The following MYO19 variants were observed in gnomAD, a reference collection of about 807,000 sequenced individuals.
The protein encoded by MYO19 is unconventional myosin-XIX.
A neutral mutation model predicts 129.2 loss-of-function variants in MYO19; 132 were observed. The observed-to-expected ratio is 1.02, with a 90% confidence interval of 0.89 to 1.18. MYO19 has a LOEUF of 1.18. MYO19 is among the 50% of genes most tolerant of loss of function. The pLI is 0.00. For missense variants in MYO19, 1,210 were observed against 1,216.7 expected (o/e 0.99, Z 0.08); for synonymous variants, 531 against 477.2 (o/e 1.11, Z -1.47).
intron 25 of MYO19, among the ~76,000 whole-genome samples, chr17:36,497,077 C>T (rs2071044401): frequency 6.6e-6 from 1 of 152,036 alleles, no homozygotes; most frequent in South Asian, 2.1e-4. Context: ...CACCTGTAAT[C>T]CCAGCACTTT....
intron 11 of MYO19, chr17:36,512,711 T>A: frequency 7.8e-7 from 1 of 1,289,174 alleles, no homozygotes; most frequent in African/African-American, 1.5e-5. Context: ...TTCCACTGCA[T>A]TGCTACCTCC....
At chr17:36,506,874 G>T (rs990191026) in intron 17 of MYO19, 89 bp downstream of exon 17, 9 of 1,393,202 alleles carry the variant, frequency 6.5e-6, no homozygotes, top group Non-Finnish European at 8.6e-6. Context: ...GGAGAGAAAG[G>T]ACTCACGATG....
chr17:36,506,874 G>C (rs990191026), intron 17 of MYO19, 89 bp downstream of exon 17: 6 of 1,393,204 alleles, frequency 4.3e-6, no homozygotes, highest in Middle Eastern at 1.8e-4. Flanking sequence ...GGAGAGAAAG[G>C]ACTCACGATG....
intron 3 of MYO19, among the ~76,000 whole-genome samples, chr17:36,530,289 A>G (rs1475261776): frequency 6.6e-6 from 1 of 152,178 alleles, no homozygotes; most frequent in Admixed American, 6.5e-5. Flanking sequence ...TGGGCAACAA[A>G]GTGAGACCCT....
chr17:36,505,434 G>C, intron 18 of MYO19, 30 bp from the exon 19 acceptor site: 4 of 1,581,034 alleles, frequency 2.5e-6, no homozygotes, highest in Non-Finnish European at 3.5e-6. Flanking sequence ...GGGTTAGGCA[G>C]GGAGAGGGGC....
chr17:36,535,930 T>C (rs1278641389), upstream of MYO19, among the ~76,000 whole-genome samples: 1 of 152,158 alleles, frequency 6.6e-6, no homozygotes, highest in African/African-American at 2.4e-5. Flanking sequence ...TTATTTTTAA[T>C]GGTCAACTGA....
At position 36,507,093 on chromosome 17, in the gene MYO19, C is replaced by CGT; in HGVS notation, c.1512_1513dup (p.Arg505HisfsTer52). ...GCTGCCTGCCAGGGCAGTCTCAATG[C>CGT]GTGTCTGGAGCTGGGCTGCGCTGCT... On this transcript the variant is annotated frameshift_variant, in exon 17 of 26. Coordinates refer to ENST00000614623, the MANE Select transcript of MYO19 (RefSeq NM_001163735.2). LOFTEE classifies it high-confidence loss of function. 1 of 1,613,012 alleles carries CGT rather than the reference C, an allele frequency of 6.2e-7. No homozygotes were observed. Among genetic ancestry groups the CGT allele is most frequent in the Non-Finnish European group, 8.5e-7 (1 of 1,179,224 alleles).
intron 11 of MYO19, 22 bp downstream of exon 11, chr17:36,513,407 G>A: frequency 3.7e-6 from 6 of 1,614,040 alleles, no homozygotes; most frequent in Non-Finnish European, 5.1e-6. Flanking sequence ...CCAAACTTAA[G>A]TGGCGTGGCT....
At chr17:36,503,062 G>T in intron 21 of MYO19, 35 bp downstream of exon 21, 1 of 1,551,622 alleles carries the variant, frequency 6.4e-7, no homozygotes, top group Non-Finnish European at 8.9e-7. Flanking sequence ...GTAAACTGTG[G>T]TTGCACAAAT....
intron 14 of MYO19, 91 bp downstream of exon 14, chr17:36,508,971 G>T: frequency 1.8e-6 from 2 of 1,123,166 alleles, no homozygotes; most frequent in African/African-American, 1.5e-5. Flanking sequence ...ACTGCCCAGA[G>T]TCACACAGTG....
intron 6 of MYO19, among the ~76,000 whole-genome samples, chr17:36,519,972 T>G (rs1183047487): frequency 6.6e-6 from 1 of 152,108 alleles, no homozygotes; most frequent in Non-Finnish European, 1.5e-5. Context: ...TATGTAATAT[T>G]TATTTTCCTG....
At chr17:36,500,757 G>C in intron 23 of MYO19, 73 bp downstream of exon 23, 3 of 1,533,564 alleles carry the variant, frequency 2.0e-6, no homozygotes, top group South Asian at 1.2e-5. Context: ...GGGACTCGAC[G>C]AGCTATGTTT....
In MYO19 at chr17:36,501,242, G is replaced by T. The variant is rs367750243; in HGVS notation, c.2081-7C>A. The T allele has an allele frequency of 3.7e-4, 587 of 1,606,050 alleles. 5 individuals carry two copies. The Middle Eastern group carries it at 0.011, about 30-fold the overall frequency. On this transcript the variant is annotated splice_region_variant and splice_polypyrimidine_tract_variant and intron_variant, in intron 21 of 25. Coordinates refer to ENST00000614623, the MANE Select transcript of MYO19 (RefSeq NM_001163735.2). ...TCGCTGTGTGGACACCATTCTGGGG[G>T]AGGGAGATGGCCCCATCAGTGCATG... is the stretch of plus-strand genomic sequence containing the variant.
At chr17:36,521,556 A>G (rs1388614302) in intron 6 of MYO19, among the ~76,000 whole-genome samples, 3 of 152,170 alleles carry the variant, frequency 2.0e-5, no homozygotes, top group African/African-American at 7.2e-5. Context: ...ATATAACACA[A>G]AAATACTTTC....
intron 18 of MYO19, 48 bp from the exon 19 acceptor site, chr17:36,505,452 G>T (rs1220560260): frequency 2.1e-6 from 3 of 1,435,962 alleles, no homozygotes; most frequent in Admixed American, 3.5e-5. Flanking sequence ...GGCTGCCCAG[G>T]GCCATCAACT....
intron 9 of MYO19, 115 bp from the exon 10 acceptor site, chr17:36,513,840 A>C: frequency 2.3e-6 from 2 of 883,092 alleles, no homozygotes; most frequent in Non-Finnish European, 3.5e-6. Flanking sequence ...CACAAGGCTC[A>C]GAGGTCCCTT....
chr17:36,525,321 G>C lies in MYO19; in HGVS notation c.321C>G (p.Phe107Leu), dbSNP rs1407752880. The change falls in exon 6 of 26, where the codon TTC (phenylalanine) becomes TTG (leucine). Residue 107 changes from phenylalanine to leucine, a missense_variant. Transcript: ENST00000614623. ...TCCTGTAGGTCTGTTCACCCACAGT[G>C]AACACATGGGGCTTCAGTTTCTGGA... Reference protein sequence around the residue: ...PQPQKLKPHVFTVGEQTYRNV... With the variant: ...PQPQKLKPHVLTVGEQTYRNV... 1 of 1,613,270 alleles carries C rather than the reference G, an allele frequency of 6.2e-7. No homozygotes were observed.
chr17:36,515,764 A>G, intron 7 of MYO19, 94 bp downstream of exon 7: 1 of 1,407,880 alleles, frequency 7.1e-7, no homozygotes, highest in Non-Finnish European at 9.7e-7. Context: ...CCCCCACCCA[A>G]GAGAGGGTCT....
At chr17:36,540,220 G>C (rs575834325) in intron 2 of MYO19, among the ~76,000 whole-genome samples, 1 of 152,168 alleles carries the variant, frequency 6.6e-6, no homozygotes, top group African/African-American at 2.4e-5. Context: ...CTAAATTAAG[G>C]TTTAATTTAA....
Sources: allele counts gnomAD v4.1 joint callset (sites outside exome capture counted in the v4.1 genomes callset), GRCh38; gene constraint gnomAD v4.1.1; transcripts MANE v1.5; gene names NCBI Gene and HGNC (gene_info 2026-07-23, HGNC 2026-07-21).